Variants in SKAP2 observed in about 807,000 individuals in gnomAD.
SKAP2 encodes src kinase associated phosphoprotein 2, also known as src kinase-associated phosphoprotein 2.
A neutral mutation model predicts 54.9 loss-of-function variants in SKAP2; 28 were observed. The ratio of observed to expected loss-of-function variants is 0.51; its 90% CI spans 0.38 to 0.70. SKAP2 has a LOEUF of 0.70. SKAP2 is among the 30% of genes least tolerant of loss of function. SKAP2 has a pLI of 0.00. For synonymous variants in SKAP2, 137 were observed against 134.3 expected, an observed-to-expected ratio of 1.02 and a Z score of -0.14; for missense variants, 356 against 424.1, an observed-to-expected ratio of 0.84 and a Z score of 1.41.
intron 11 of SKAP2, among the ~76,000 whole-genome samples, chr7:26,678,994 G>T (rs908582187): frequency 1.3e-5 from 2 of 151,698 alleles, no homozygotes; most frequent in Non-Finnish European, 2.9e-5. Flanking sequence ...GTTCAACTGA[G>T]AATTAAAAAA....
At chr7:26,814,346 A>G (rs1275170253) in intron 4 of SKAP2, among the ~76,000 whole-genome samples, 1 of 152,152 alleles carries the variant, frequency 6.6e-6, no homozygotes, top group Non-Finnish European at 1.5e-5. Flanking sequence ...TTTCACTGAC[A>G]TCTGATTTAG....
chr7:26,863,624 C>T (rs942695449), intron 1 of SKAP2, among the ~76,000 whole-genome samples: 1 of 152,076 alleles, frequency 6.6e-6, no homozygotes, highest in African/African-American at 2.4e-5. Context: ...GTTTTTAGCT[C>T]CTAAAATAAG....
intron 4 of SKAP2, among the ~76,000 whole-genome samples, chr7:26,744,151 T>C (rs1446848996): frequency 1.3e-5 from 2 of 152,126 alleles, no homozygotes; most frequent in Non-Finnish European, 2.9e-5. Flanking sequence ...ACTTTATCTT[T>C]TTTTTTCTTG....
At chr7:26,839,232 A>G (rs749205534) in intron 4 of SKAP2, among the ~76,000 whole-genome samples, 1 of 152,104 alleles carries the variant, frequency 6.6e-6, no homozygotes, top group Non-Finnish European at 1.5e-5. Context: ...TGTGTACTTT[A>G]TATCCCCAAT....
intron 11 of SKAP2, among the ~76,000 whole-genome samples, chr7:26,684,359 TG>T (rs1159228326): frequency 6.6e-6 from 1 of 152,096 alleles, no homozygotes; most frequent in Non-Finnish European, 1.5e-5. Flanking sequence ...CAGTAGTGAA[TG>T]GCAGACAAAA....
At chr7:26,805,906 C>T (rs28781274) in intron 4 of SKAP2, among the ~76,000 whole-genome samples, 11,572 of 152,224 alleles carry the variant, frequency 0.076, 559 homozygotes, top group Middle Eastern at 0.16. Context: ...GCAACTCTGT[C>T]GAGAAAGTCT....
intron 4 of SKAP2, among the ~76,000 whole-genome samples, chr7:26,826,564 A>G (rs1435669991): frequency 6.6e-6 from 1 of 152,108 alleles, no homozygotes; most frequent in Non-Finnish European, 1.5e-5. Flanking sequence ...AAAAACTATT[A>G]CCTCCATGTT....
intron 9 of SKAP2, among the ~76,000 whole-genome samples, chr7:26,705,555 G>A (rs1368163511): frequency 1.3e-5 from 2 of 152,138 alleles, no homozygotes; most frequent in African/African-American, 4.8e-5. Flanking sequence ...TAGTTATCAA[G>A]CAGTGATTAA....
chr7:26,817,885 A>G (rs946157631), intron 4 of SKAP2, among the ~76,000 whole-genome samples: 4 of 152,134 alleles, frequency 2.6e-5, no homozygotes, highest in African/African-American at 9.6e-5. Context: ...TACAGAAGAT[A>G]TGAAGGACTT....
intron 6 of SKAP2, among the ~76,000 whole-genome samples, chr7:26,737,547 A>G (rs1584360005): frequency 6.6e-6 from 1 of 152,206 alleles, no homozygotes; most frequent in East Asian, 1.9e-4. Flanking sequence ...GGGGGAAAAA[A>G]CTCTAAAAAC....
At chr7:26,846,072 T>C (rs1665064081) in intron 3 of SKAP2, among the ~76,000 whole-genome samples, 1 of 152,190 alleles carries the variant, frequency 6.6e-6, no homozygotes, top group Non-Finnish European at 1.5e-5. Context: ...ATCAAGAAAT[T>C]CTCAGTTACT....
chr7:26,835,188 A>T (rs1465362908), intron 4 of SKAP2, among the ~76,000 whole-genome samples: 1 of 152,194 alleles, frequency 6.6e-6, no homozygotes, highest in Non-Finnish European at 1.5e-5. Flanking sequence ...TATTGATGGA[A>T]TGTATCTCAA....
intron 4 of SKAP2, among the ~76,000 whole-genome samples, chr7:26,754,024 G>T (rs934523194): frequency 1.3e-5 from 2 of 152,008 alleles, no homozygotes; most frequent in African/African-American, 4.8e-5. Context: ...GGGACAGAAC[G>T]TATAATATAA....
intron 11 of SKAP2, among the ~76,000 whole-genome samples, chr7:26,680,237 G>A (rs1342030959): frequency 1.3e-5 from 2 of 152,156 alleles, no homozygotes; most frequent in Non-Finnish European, 2.9e-5. Flanking sequence ...ATCCAGAAGA[G>A]CAAGATAGAA....
intron 9 of SKAP2, among the ~76,000 whole-genome samples, chr7:26,723,063 T>C (rs1194203903): frequency 2.0e-5 from 3 of 152,236 alleles, no homozygotes; most frequent in African/African-American, 7.2e-5. Context: ...TGCTTACTGC[T>C]CTTCCATTGT....
rs1584428912 is a variant in SKAP2, at chr7:26,854,729, T to C, written c.173+56A>G. On this transcript the variant is annotated intron_variant, in intron 2 of 12. Transcript: ENST00000345317. ...AATAATCGATTTCTTATTAAAATGTTAGTTACAAAACTGCTTCTATGTAAG... is the reference window on the plus strand; with the variant it reads ...AATAATCGATTTCTTATTAAAATGTCAGTTACAAAACTGCTTCTATGTAAG... 28 of 1,469,986 alleles carry C rather than the reference T, an allele frequency of 1.9e-5. No individual in the cohort carries two copies. The South Asian group carries it at 3.1e-4, about 16-fold the overall frequency. The allele number at this position is 1,469,986 out of a possible 1,614,324, so 91.1% of individuals were successfully genotyped here. A position where few individuals can be genotyped will look rare whatever the true frequency, so the allele number is the denominator to read the frequency against.
At chr7:26,685,657 T>C (rs186217338) in intron 10 of SKAP2, among the ~76,000 whole-genome samples, 49 of 152,144 alleles carry the variant, frequency 3.2e-4, no homozygotes, top group East Asian at 2.5e-3. Flanking sequence ...CATTAACTGA[T>C]TGATTATTTA....
Position 26,738,850 on chromosome 7 carries a change from C to T in SKAP2, c.414G>A (p.Gln138=), listed in dbSNP as rs139030715. The T allele has an allele frequency of 7.5e-6, 12 of 1,607,692 alleles. No individual in the cohort carries two copies. The highest frequency in any genetic ancestry group is 1.0e-5 in the Non-Finnish European group (12 of 1,174,534). Residue 138 remains glutamine (Q), a synonymous_variant, in exon 6 of 13, where the codon CAG becomes CAA. Coordinates refer to ENST00000345317, the MANE Select transcript of SKAP2 (RefSeq NM_003930.5). ...KDHSFLGFEW[Q]KRWCALSKTV... ...TTTTACTGAGAGCACACCACCGTTT[C>T]TGCCATTCAAATCCCAGAAAGCTGT...
intron 10 of SKAP2, among the ~76,000 whole-genome samples, chr7:26,688,008 T>A (rs1424173697): frequency 6.6e-6 from 1 of 152,064 alleles, no homozygotes; most frequent in Non-Finnish European, 1.5e-5. Context: ...AGAAAAAAAT[T>A]AATTAGCCAG....
Sources: gnomAD v4.1 joint callset for allele counts (sites outside exome capture counted in the v4.1 genomes callset) on GRCh38, gnomAD v4.1.1 for gene constraint, MANE v1.5 for transcripts, NCBI Gene and HGNC (gene_info 2026-07-23, HGNC 2026-07-21) for gene names.